The following SMC6 variants were observed in gnomAD, a reference collection of about 807,000 sequenced individuals.
SMC6 encodes the protein structural maintenance of chromosomes protein 6.
Under a neutral mutation model 142.2 loss-of-function variants are expected in SMC6, and 79 were observed. The observed-to-expected ratio is 0.56, with a 90% CI of 0.46 to 0.67. The LOEUF is 0.67. SMC6 is among the 30% of genes least tolerant of loss of function. The pLI, the probability that SMC6 is intolerant of heterozygous loss-of-function variation, is 0.00. For missense variants in SMC6, 1,072 were observed against 1,284.0 expected (o/e 0.83, Z 2.52); for synonymous variants, 411 against 412.4 (o/e 1.00, Z 0.04).
chr2:17,742,902 T>C (rs992167033), intron 3 of SMC6, among the ~76,000 whole-genome samples: 11 of 152,160 alleles, frequency 7.2e-5, no homozygotes, highest in Admixed American at 7.2e-4. Flanking sequence ...ATTTCCATCA[T>C]CACCAGGATC....
intron 25 of SMC6, among the ~76,000 whole-genome samples, chr2:17,674,234 A>G (rs900006673): frequency 1.3e-5 from 2 of 152,210 alleles, no homozygotes; most frequent in South Asian, 4.1e-4. Flanking sequence ...GCTGTATCAT[A>G]CAAGTTTTGA....
At chr2:17,739,898 A>G (rs1028326294) in intron 4 of SMC6, among the ~76,000 whole-genome samples, 4 of 146,656 alleles carry the variant, frequency 2.7e-5, no homozygotes, top group African/African-American at 1.0e-4. Context: ...ACACACACAC[A>G]CACACACACA....
chr2:17,717,356 C>T (rs1001268903), intron 12 of SMC6, among the ~76,000 whole-genome samples, 180 bp from the exon 13 acceptor site: 8 of 152,156 alleles, frequency 5.3e-5, no homozygotes, highest in African/African-American at 1.9e-4. Flanking sequence ...CTAATTTCAA[C>T]TCAGGTACAA....
chr2:17,720,268 T>C lies in SMC6; in HGVS notation c.945+672A>G, dbSNP rs111323938. On this transcript the variant is annotated intron_variant, in intron 11 of 27. Coordinates refer to ENST00000448223, the MANE Select transcript of SMC6 (RefSeq NM_001142286.2). Reference sequence around the variant, plus strand: ...TGTTAAAGGGTCCACATGGAAAGCCTCAACAGAGAATGACTGCCTTTACTC... The same window carrying C: ...TGTTAAAGGGTCCACATGGAAAGCCCCAACAGAGAATGACTGCCTTTACTC... Among the ~76,000 whole-genome samples the C allele has an allele frequency of 4.8e-3, 734 of 152,304 alleles. 4 individuals are homozygous for C. The highest frequency in any genetic ancestry group is 0.016 in the African/African-American group (681 of 41,554).
intron 23 of SMC6, among the ~76,000 whole-genome samples, chr2:17,688,291 T>G (rs1437603421): frequency 6.7e-6 from 1 of 148,978 alleles, no homozygotes; most frequent in East Asian, 2.0e-4. Flanking sequence ...TATTTTGTTA[T>G]GTCACAAAGT....
intron 23 of SMC6, among the ~76,000 whole-genome samples, chr2:17,688,104 C>T (rs951496881): frequency 5.9e-5 from 9 of 152,146 alleles, no homozygotes; most frequent in Admixed American, 3.3e-4. Context: ...CCAATACAAA[C>T]TCACGTTTTT....
chr2:17,708,657 C>T lies in SMC6; in HGVS notation c.1827G>A (p.Glu609=). Residue 609 remains glutamate, a synonymous_variant, in exon 17 of 28, where the codon GAG becomes GAA. Transcript: ENST00000448223. ...ANSLIDMRGI[E]TVLLIKNNSV... is the part of the protein sequence containing the mutation. Reference sequence around the variant, plus strand: ...GTCTTACTTTGATTAGTAGCACTGTCTCTATGCCTCTCATGTCAATTAGGC... The same window carrying T: ...GTCTTACTTTGATTAGTAGCACTGTTTCTATGCCTCTCATGTCAATTAGGC... 1 of 1,525,178 alleles carries T rather than the reference C, an allele frequency of 6.6e-7. No individual in the cohort carries two copies. The allele number at this position is 1,525,178 out of a possible 1,614,324, so 94.5% of individuals were successfully genotyped here.
chr2:17,716,345 T>G, intron 14 of SMC6, 81 bp from the exon 15 acceptor site: 1 of 1,361,594 alleles, frequency 7.3e-7, no homozygotes, highest in Non-Finnish European at 1.0e-6. Flanking sequence ...AACACCTACA[T>G]CCCAGTGAAC....
chr2:17,734,770 C>T (rs922254231), intron 5 of SMC6, among the ~76,000 whole-genome samples: 3 of 152,194 alleles, frequency 2.0e-5, no homozygotes, highest in South Asian at 2.1e-4. Context: ...CTCACTCTGT[C>T]GCCCAGGCTG....
intron 24 of SMC6, 62 bp from the exon 25 acceptor site, chr2:17,679,026 A>G: frequency 5.3e-6 from 6 of 1,127,594 alleles, no homozygotes; most frequent in Non-Finnish European, 7.9e-6. Context: ...AACTATATTC[A>G]GCATGATCTA....
intron 2 of SMC6, 79 bp from the exon 3 acceptor site, chr2:17,746,030 CTAAT>C (rs1218096560): frequency 7.6e-6 from 10 of 1,318,340 alleles, no homozygotes; most frequent in Non-Finnish European, 9.9e-6. Flanking sequence ...TCTAACAAGG[CTAAT>C]TAAACTTTAG....
chr2:17,732,576 G>A (rs1669962101), intron 5 of SMC6, among the ~76,000 whole-genome samples: 1 of 151,972 alleles, frequency 6.6e-6, no homozygotes, highest in Non-Finnish European at 1.5e-5. Context: ...GTGCATGCCT[G>A]TAATCCCAGC....
chr2:17,696,908 T>C (rs1326624477), intron 21 of SMC6, among the ~76,000 whole-genome samples: 3 of 151,682 alleles, frequency 2.0e-5, no homozygotes, highest in Non-Finnish European at 4.4e-5. Flanking sequence ...AAACAAACAG[T>C]AGTAGATATA....
chr2:17,736,358 C>CT (rs1223535220), intron 5 of SMC6, among the ~76,000 whole-genome samples: 1 of 152,004 alleles, frequency 6.6e-6, no homozygotes, highest in Non-Finnish European at 1.5e-5. Context: ...TTAAGCTAGT[C>CT]TTTTTTTATT....
At chr2:17,751,568 T>C (rs1220671112) in intron 2 of SMC6, among the ~76,000 whole-genome samples, 2 of 152,040 alleles carry the variant, frequency 1.3e-5, no homozygotes, top group Non-Finnish European at 2.9e-5. Flanking sequence ...TAGTAAAGGA[T>C]ACTCTGCAAT....
chr2:17,742,818 T>C (rs1469011265), intron 3 of SMC6, among the ~76,000 whole-genome samples: 2 of 152,202 alleles, frequency 1.3e-5, no homozygotes, highest in Non-Finnish European at 2.9e-5. Context: ...TTTCCGCCCA[T>C]TGTAACATCT....
At chr2:17,698,961 C>T (rs1558343573) in intron 21 of SMC6, among the ~76,000 whole-genome samples, 2 of 151,970 alleles carry the variant, frequency 1.3e-5, no homozygotes, top group Non-Finnish European at 2.9e-5. Context: ...CTTTTGTATC[C>T]CTTTTCTTTT....
intron 1 of SMC6, 55 bp from the exon 2 acceptor site, chr2:17,753,119 A>C (rs923186950): frequency 1.6e-6 from 1 of 636,844 alleles, no homozygotes; most frequent in Admixed American, 6.3e-5. Flanking sequence ...ACACATGTTA[A>C]TTTTTCTAGG....
chr2:17,743,728 C>T (rs953309932), intron 3 of SMC6, among the ~76,000 whole-genome samples: 7 of 152,118 alleles, frequency 4.6e-5, no homozygotes, highest in African/African-American at 1.2e-4. Context: ...GCTAAAAATC[C>T]GGTGCTCAAC....
Sources: gnomAD v4.1 joint callset for allele counts (sites outside exome capture counted in the v4.1 genomes callset) on GRCh38, gnomAD v4.1.1 for gene constraint, MANE v1.5 for transcripts, NCBI Gene and HGNC (gene_info 2026-07-23, HGNC 2026-07-21) for gene names.